PATJ: variants seen among roughly 807,000 people sequenced by gnomAD.
PATJ encodes the protein inaD-like protein.
In PATJ, 190 loss-of-function variants were observed where a neutral mutation model predicts 224.9. The observed-to-expected ratio is 0.84, with a 90% CI of 0.75 to 0.95. The LOEUF is 0.95. Ranked by LOEUF, PATJ falls within the 40% of genes least tolerant of loss-of-function variation. PATJ has a pLI of 0.00. For synonymous variants in PATJ, 769 were observed against 820.3 expected (o/e 0.94, Z 1.07); for missense variants, 2,121 against 2,270.3 (o/e 0.93, Z 1.34).
At chr1:62,150,418 TGA>T (rs1488838793) in intron 42 of PATJ, among the ~76,000 whole-genome samples, 3 of 152,044 alleles carry the variant, frequency 2.0e-5, no homozygotes, top group Non-Finnish European at 2.9e-5. Flanking sequence ...CTAAATTCAT[TGA>T]GAGAGGGTCC....
chr1:61,878,856 T>A (rs1008441630), intron 21 of PATJ, among the ~76,000 whole-genome samples: 4 of 151,852 alleles, frequency 2.6e-5, no homozygotes, highest in South Asian at 2.1e-4. Flanking sequence ...CAATCTCGGC[T>A]CACTACAACT....
chr1:62,018,113 T>G lies in PATJ; in HGVS notation c.3959+166T>G, dbSNP rs1256797628. Among the ~76,000 whole-genome samples, 1 of 152,242 alleles carries G rather than the reference T, an allele frequency of 6.6e-6. No homozygotes were observed. The highest frequency in any genetic ancestry group is 2.4e-5 in the African/African-American group (1 of 41,466). On this transcript the variant is annotated intron_variant, in intron 29 of 43. Transcript: ENST00000642238. The surrounding 1 kb of genome is among the most constrained non-coding windows in gnomAD (Gnocchi z 4.2). ...CAAGAAAAGTATTGATTGTTTTGAT[T>G]ATGAGATTGTCTTATTTGCTTATGT...
At chr1:61,972,288 C>T (rs1024927980) in intron 27 of PATJ, among the ~76,000 whole-genome samples, 7 of 152,074 alleles carry the variant, frequency 4.6e-5, no homozygotes, top group Non-Finnish European at 7.4e-5. Flanking sequence ...TGGCTTCATG[C>T]GACTGTGACT....
At chr1:61,816,250 C>A (rs1470126312) in intron 14 of PATJ, among the ~76,000 whole-genome samples, 1 of 152,120 alleles carries the variant, frequency 6.6e-6, no homozygotes, top group Non-Finnish European at 1.5e-5. Context: ...AGGGCCGGTT[C>A]TTTGCTTTAA....
chr1:61,825,038 C>T (rs1657992573), intron 15 of PATJ, among the ~76,000 whole-genome samples: 1 of 152,148 alleles, frequency 6.6e-6, no homozygotes, highest in African/African-American at 2.4e-5. Flanking sequence ...GTCTGAATTG[C>T]CACAGGTTAG....
Position 62,009,900 on chromosome 1 carries a change from T to C in PATJ, c.3868-7956T>C, listed in dbSNP as rs1007605328. ...GGGTTCGAGACCAGCCTGGCCAATA[T>C]GGTGAAACCCTATCTCTACTAAAAA... On this transcript the variant is annotated intron_variant, in intron 28 of 43. Coordinates refer to ENST00000642238, the MANE Select transcript of PATJ (RefSeq NM_001350145.3). 5.3e-5 allele frequency among the ~76,000 whole-genome samples: 8 copies of C among 151,634 alleles called. 1 individual carries two copies. The highest frequency in any genetic ancestry group is 5.3e-4 in the Admixed American group (8 of 15,210).
rs34267345 is a variant in PATJ at position 61,965,121 on chromosome 1, C to CAAA, written c.3671-25009_3671-25007dup. On this transcript the variant is annotated intron_variant, in intron 27 of 43. Coordinates refer to ENST00000642238, the MANE Select transcript of PATJ (RefSeq NM_001350145.3). ...TGGGCCACTGAAGGAGACTCTGTCT[C>CAAA]AAAAAAAAAAAAAAAAAAAAAAAAA... Among the ~76,000 whole-genome samples the CAAA allele has an allele frequency of 2.2e-3, 117 of 54,366 alleles. 27 individuals carry two copies. Among genetic ancestry groups the CAAA allele is most frequent in the Admixed American group, 3.2e-3 (12 of 3,712 alleles). 35.7% of individuals were successfully genotyped at this position (54,366 alleles called of 152,430 possible). A position where few individuals can be genotyped will look rare whatever the true frequency, so the allele number is the denominator to read the frequency against.
At chr1:61,888,894 C>T (rs757833959) in intron 22 of PATJ, among the ~76,000 whole-genome samples, 3 of 152,190 alleles carry the variant, frequency 2.0e-5, no homozygotes, top group Non-Finnish European at 4.4e-5. Context: ...CCAACCTAAC[C>T]TTGTCTTAGG....
At chr1:62,060,779 CG>C (rs1394807813) in intron 31 of PATJ, among the ~76,000 whole-genome samples, 2 of 152,272 alleles carry the variant, frequency 1.3e-5, no homozygotes, top group East Asian at 1.9e-4. Context: ...TGGCCTCAAG[CG>C]GTCCTCCCAC....
chr1:62,158,466 T>A (rs1445427594), intron 43 of PATJ, among the ~76,000 whole-genome samples: 8 of 148,164 alleles, frequency 5.4e-5, no homozygotes, highest in Non-Finnish European at 1.0e-4. Context: ...ACACCTGTAA[T>A]CCCAGCACTT....
chr1:61,997,088 G>C (rs1211009305), intron 28 of PATJ, among the ~76,000 whole-genome samples: 5 of 143,342 alleles, frequency 3.5e-5, no homozygotes, highest in Non-Finnish European at 7.7e-5. Context: ...AATTGATCAA[G>C]TGTTCGATTG....
At chr1:61,781,153 C>T (rs1211554243) in intron 7 of PATJ, among the ~76,000 whole-genome samples, 2 of 152,170 alleles carry the variant, frequency 1.3e-5, no homozygotes, top group African/African-American at 4.8e-5. Flanking sequence ...ATTCTGAAGT[C>T]TGAGCTTTGT....
At chr1:61,931,543 C>T (rs1437991239) in intron 27 of PATJ, among the ~76,000 whole-genome samples, 1 of 152,204 alleles carries the variant, frequency 6.6e-6, no homozygotes, top group African/African-American at 2.4e-5. Flanking sequence ...GCAGGTGGAT[C>T]ACTTGAGTCC....
At chr1:61,845,009 A>T (rs1209768236) in intron 17 of PATJ, among the ~76,000 whole-genome samples, 1 of 152,190 alleles carries the variant, frequency 6.6e-6, no homozygotes, top group Non-Finnish European at 1.5e-5. Flanking sequence ...GAGCAGTGTG[A>T]AAATGGACTA....
At chr1:61,782,018 A>G (rs1369211999) in intron 7 of PATJ, among the ~76,000 whole-genome samples, 1 of 152,228 alleles carries the variant, frequency 6.6e-6, no homozygotes, top group Non-Finnish European at 1.5e-5. Flanking sequence ...TGCTGGTCAC[A>G]TAGGCACACA....
chr1:62,017,667 GGTTGC>G (rs1646850428), intron 28 of PATJ, among the ~76,000 whole-genome samples, 184 bp from the exon 29 acceptor site: 1 of 149,738 alleles, frequency 6.7e-6, no homozygotes, highest in African/African-American at 2.4e-5. Flanking sequence ...AGAAGGCGGA[GGTTGC>G]AGTGAGCCAA....
At chr1:61,767,741 A>G (rs1260375414) in intron 4 of PATJ, among the ~76,000 whole-genome samples, 3 of 149,054 alleles carry the variant, frequency 2.0e-5, no homozygotes, top group Non-Finnish European at 3.0e-5. Context: ...CAGTGGCCCA[A>G]TCTTGGCTCA....
intron 28 of PATJ, among the ~76,000 whole-genome samples, chr1:62,014,224 A>G (rs146600254): frequency 6.6e-6 from 1 of 151,406 alleles, no homozygotes; most frequent in Non-Finnish European, 1.5e-5. Context: ...TAACTGGTTA[A>G]CTTTTTATTA....
At chr1:61,966,686 CAAAAAAAA>C (rs200855600) in intron 27 of PATJ, among the ~76,000 whole-genome samples, 2 of 86,386 alleles carry the variant, frequency 2.3e-5, no homozygotes, top group South Asian at 8.7e-4. Flanking sequence ...GACTTCATCT[CAAAAAAAA>C]AAAAAAAAAG....
Sources: gnomAD v4.1 joint callset for allele counts (sites outside exome capture counted in the v4.1 genomes callset) on GRCh38, gnomAD v4.1.1 for gene constraint, Gnocchi (gnomAD v3.1) non-coding constraint, MANE v1.5 for transcripts, NCBI Gene and HGNC (gene_info 2026-07-23, HGNC 2026-07-21) for gene names.